Variants in MIER2 observed in about 807,000 individuals in gnomAD.
The protein encoded by MIER2 is MIER family member 2.
In MIER2, 30 loss-of-function variants were observed where a neutral mutation model predicts 67.6. That is an observed-to-expected ratio of 0.44 (90% CI 0.33 to 0.60). MIER2 has a LOEUF of 0.60. Ranked by LOEUF, MIER2 falls within the 20% of genes least tolerant of loss-of-function variation. MIER2 has a pLI of 0.02. For missense variants in MIER2, 702 were observed against 745.1 expected (o/e 0.94, Z 0.67); for synonymous variants, 372 against 312.6 (o/e 1.19, Z -2.00).
intron 2 of MIER2, among the ~76,000 whole-genome samples, chr19:335,541 C>T (rs1414913830): frequency 6.6e-6 from 1 of 152,174 alleles, no homozygotes; most frequent in Non-Finnish European, 1.5e-5. Flanking sequence ...AGAGACGCAG[C>T]CCTACACCTG....
intron 7 of MIER2, among the ~76,000 whole-genome samples, chr19:323,164 C>T (rs968830547): frequency 6.7e-6 from 1 of 149,534 alleles, no homozygotes; most frequent in African/African-American, 2.5e-5. Context: ...ACACAGATGA[C>T]TCAAATGACA....
Position 307,502 on chromosome 19 carries a change from G to A in MIER2, c.1233C>T (p.Leu411=), listed in dbSNP as rs138293433. The A allele has an allele frequency of 4.7e-3, 7,194 of 1,519,438 alleles. 16 individuals carry two copies. Among genetic ancestry groups the A allele is most frequent in the Non-Finnish European group, 5.9e-3 (6,692 of 1,138,858 alleles). The allele number at this position is 1,519,438 out of a possible 1,614,324, so 94.1% of individuals were successfully genotyped here. Reference sequence around the variant, plus strand: ...CATCAGAGGCCACTCCGGGCTCATCGAGACCACCGGCCGTGCCATCCACGC... The same window carrying A: ...CATCAGAGGCCACTCCGGGCTCATCAAGACCACCGGCCGTGCCATCCACGC... The part of the protein sequence containing the change: ...PLSVDGTAGG[L]DEPGVASDGL... Residue 411 remains leucine, a synonymous_variant, in exon 13 of 14, where the codon CTC becomes CTT. Coordinates refer to ENST00000264819, the MANE Select transcript of MIER2 (RefSeq NM_017550.3).
At chr19:331,466 G>A (rs1972021423) in intron 3 of MIER2, among the ~76,000 whole-genome samples, 1 of 151,832 alleles carries the variant, frequency 6.6e-6, no homozygotes. Flanking sequence ...CCAACAGTTT[G>A]AGACCAACCC....
chr19:335,918 C>G (rs937545359), intron 2 of MIER2, among the ~76,000 whole-genome samples, 165 bp downstream of exon 2: 1 of 152,134 alleles, frequency 6.6e-6, no homozygotes, highest in Non-Finnish European at 1.5e-5. Flanking sequence ...GGAGTCCTGA[C>G]CACTCTGCCC....
chr19:307,970 G>A (rs1970740915), intron 12 of MIER2, among the ~76,000 whole-genome samples: 1 of 152,090 alleles, frequency 6.6e-6, no homozygotes, highest in Non-Finnish European at 1.5e-5. Context: ...AAGTAGCCGA[G>A]GTGGACACCC....
At chr19:340,193 C>T (rs139224930) in intron 1 of MIER2, among the ~76,000 whole-genome samples, 119 of 152,298 alleles carry the variant, frequency 7.8e-4, no homozygotes, top group African/African-American at 2.7e-3. Flanking sequence ...GGTGCAGTTA[C>T]AAAGTGGAGC....
In MIER2 at chr19:312,018, ACAG is replaced by A; in HGVS notation, c.890-82_890-80del. 3.5e-6 allele frequency: 4 copies of A among 1,153,270 alleles called. 1 individual carries two copies. The highest frequency in any genetic ancestry group is 1.2e-4 in the East Asian group (2 of 17,098). 71.4% of individuals were successfully genotyped at this position (1,153,270 alleles called of 1,614,324 possible). A position where few individuals can be genotyped will look rare whatever the true frequency, so the allele number is the denominator to read the frequency against. ...GGAAGGAAGGCCCAGGCCGGGGAGA[ACAG>A]TCAGCGGCGCCCAGGGCGGGGCCGC... On this transcript the variant is annotated intron_variant, in intron 9 of 13. Transcript: ENST00000264819.
At chr19:313,701 C>A (rs1781600041) in intron 7 of MIER2, 58 bp from the exon 8 acceptor site, 1 of 1,569,966 alleles carries the variant, frequency 6.4e-7, no homozygotes, top group Non-Finnish European at 8.6e-7. Flanking sequence ...CCCACACACG[C>A]CAGGACAAGC....
rs374206795 is a variant in MIER2 at position 313,536 on chromosome 19, C to G, written c.763G>C (p.Gly255Arg). Residue 255 changes from glycine (G) to arginine (R), a missense_variant, in exon 8 of 14, where the codon GGG (glycine) becomes CGG (arginine). Around this residue, in one of 3 missense-constraint regions of MIER2, gnomAD observed 128 missense variants for 189.7 expected, o/e 0.67. Transcript: ENST00000264819. Reference sequence around the variant, plus strand: ...GCTTCTCCCTCTGGGAGCTGAGGCCCGGCCATCTCGTGCCAACGCCGCTTC... The same window carrying G: ...GCTTCTCCCTCTGGGAGCTGAGGCCGGGCCATCTCGTGCCAACGCCGCTTC... ...AVKRRWHEMA[G>R]PQLPEGEAVK... is the part of the protein sequence containing the mutation. The G allele has an allele frequency of 6.2e-7, 1 of 1,613,032 alleles. No individual in the cohort carries two copies. Among genetic ancestry groups the G allele is most frequent in the Non-Finnish European group, 8.5e-7 (1 of 1,179,942 alleles).
intron 1 of MIER2, among the ~76,000 whole-genome samples, chr19:341,925 T>C (rs1410298266): frequency 6.6e-6 from 1 of 152,100 alleles, no homozygotes; most frequent in Admixed American, 6.5e-5. Flanking sequence ...AGACCAGCCC[T>C]TCCCCCAGGG....
chr19:343,910 T>G, intron 1 of MIER2: 1 of 985,424 alleles, frequency 1.0e-6, no homozygotes, highest in South Asian at 4.7e-5. Context: ...AAAGCGAAAG[T>G]TTCTTCCTTC....
At chr19:331,498 A>G (rs1972022803) in intron 3 of MIER2, among the ~76,000 whole-genome samples, 2 of 152,068 alleles carry the variant, frequency 1.3e-5, no homozygotes, top group South Asian at 4.1e-4. Context: ...CAAGAACTCC[A>G]CAAAGAAATA....
intron 4 of MIER2, 79 bp from the exon 5 acceptor site, chr19:327,335 A>AGAC (rs1971808698): frequency 6.7e-7 from 1 of 1,490,616 alleles, no homozygotes; most frequent in African/African-American, 1.5e-5. Context: ...ACAACAGTAA[A>AGAC]GACACTGGGA....
At chr19:315,785 G>A (rs962856055) in intron 7 of MIER2, among the ~76,000 whole-genome samples, 12 of 152,232 alleles carry the variant, frequency 7.9e-5, no homozygotes, top group Non-Finnish European at 1.3e-4. Context: ...AAAATCTGAA[G>A]AGGTAACAGC....
Position 336,070 on chromosome 19 carries a change from G to A in MIER2, c.100+13C>T. ...TTGGCGGACCTGAGCAGGGGAAGGA[G>A]GGAGGAAGGTACCTGCTGTTGTCTG... On this transcript the variant is annotated intron_variant, in intron 2 of 13. Transcript: ENST00000264819. 1 of 1,612,206 alleles carries A rather than the reference G, an allele frequency of 6.2e-7. No individual in the cohort carries two copies. The highest frequency in any genetic ancestry group is 1.7e-5 in the Admixed American group (1 of 59,936).
Position 342,756 on chromosome 19 carries a change from G to C in MIER2, c.9+2018C>G, listed in dbSNP as rs906354051. 5.9e-5 allele frequency among the ~76,000 whole-genome samples: 9 copies of C among 151,888 alleles called. No homozygotes were observed. In the East Asian group the frequency reaches 1.7e-3, roughly 29 times the overall value. ...CCACTTTTACGGGTTAAAAACAGTG[G>C]AATATCGTCAACTTCACAAGATTCA... On this transcript the variant is annotated intron_variant, in intron 1 of 13. Transcript: ENST00000264819.
At chr19:325,257 A>G (rs1420721950) in intron 7 of MIER2, among the ~76,000 whole-genome samples, 2 of 152,242 alleles carry the variant, frequency 1.3e-5, no homozygotes, top group Non-Finnish European at 1.5e-5. Context: ...CCGGGGGTGC[A>G]GCGCAGCATC....
intron 7 of MIER2, among the ~76,000 whole-genome samples, chr19:317,396 G>A (rs1032436345): frequency 4.0e-5 from 6 of 151,014 alleles, no homozygotes; most frequent in Non-Finnish European, 5.9e-5. Flanking sequence ...GAGTCATGGC[G>A]GGTGCCTGTA....
chr19:316,296 G>GA (rs200577272), intron 7 of MIER2, among the ~76,000 whole-genome samples: 1 of 146,358 alleles, frequency 6.8e-6, no homozygotes, highest in African/African-American at 2.6e-5. Flanking sequence ...GTGATATGTA[G>GA]ATTTTTTTTT....
Sources: gnomAD v4.1 joint callset for allele counts (sites outside exome capture counted in the v4.1 genomes callset) on GRCh38, gnomAD v4.1.1 for gene constraint, gnomAD v4.1.1 regional missense constraint, MANE v1.5 for transcripts, NCBI Gene and HGNC (gene_info 2026-07-23, HGNC 2026-07-21) for gene names.